Variants in SMAP1 observed in about 807,000 individuals in gnomAD.
SMAP1 encodes the protein stromal membrane-associated protein 1.
SMAP1 carries 24 observed loss-of-function variants against 58.5 expected under a neutral mutation model. The observed-to-expected ratio is 0.41, with a 90% CI of 0.30 to 0.58. The LOEUF (loss-of-function observed/expected upper bound fraction) is 0.58, where lower values mean the gene tolerates loss of function less well. Ranked by LOEUF, SMAP1 falls within the 20% of genes least tolerant of loss-of-function variation. The probability of loss-of-function intolerance (pLI) is 0.29; values close to 1 mark genes in which losing one functional copy is unlikely to be tolerated. For synonymous variants in SMAP1, 216 were observed against 196.6 expected (o/e 1.10, Z -0.82); for missense variants, 563 against 566.3 (o/e 0.99, Z 0.06).
At chr6:70,726,649 TTTATC>T (rs1768798494) in intron 1 of SMAP1, among the ~76,000 whole-genome samples, 1 of 152,158 alleles carries the variant, frequency 6.6e-6, no homozygotes, top group African/African-American at 2.4e-5. Context: ...AGCACACAGT[TTTATC>T]TTATTTCTCA....
At chr6:70,748,432 G>C (rs1014362724) in intron 2 of SMAP1, among the ~76,000 whole-genome samples, 1 of 152,044 alleles carries the variant, frequency 6.6e-6, no homozygotes, top group African/African-American at 2.4e-5. Context: ...CAGCAACAAT[G>C]ATGTTTCTAT....
rs753346903 is a variant in SMAP1 at position 70,755,096 on chromosome 6, TA to T, written c.338+37del. On this transcript the variant is annotated intron_variant, in intron 3 of 10. Transcript: ENST00000370455. The stretch of plus-strand genomic sequence containing the variant: ...CTTTAAAACTTATTTGTTTTGAGTT[TA>T]AAAAACATTAACTCATTTTTACAGT... 4.7e-6 allele frequency: 7 copies of T among 1,490,352 alleles called. No homozygotes were observed. The East Asian group carries it at 1.1e-4, about 24-fold the overall frequency. The allele number at this position is 1,490,352 out of a possible 1,614,324, so 92.3% of individuals were successfully genotyped here. A position where few individuals can be genotyped will look rare whatever the true frequency, so the allele number is the denominator to read the frequency against.
intron 1 of SMAP1, among the ~76,000 whole-genome samples, chr6:70,716,424 C>T (rs983372978): frequency 2.0e-5 from 3 of 152,170 alleles, no homozygotes; most frequent in African/African-American, 7.2e-5. Flanking sequence ...GGTGGTGGAG[C>T]TCAGCTTTGC....
At chr6:70,841,677 CAAAG>C (rs903555673) in intron 7 of SMAP1, among the ~76,000 whole-genome samples, 23 of 152,138 alleles carry the variant, frequency 1.5e-4, no homozygotes, top group African/African-American at 5.3e-4. Context: ...TTGAAACACT[CAAAG>C]GAACATACAG....
At position 70,798,639 on chromosome 6, in the gene SMAP1, C is replaced by T; in HGVS notation, c.496-18C>T. 6.8e-7 allele frequency: 1 copy of T among 1,476,512 alleles called. No individual in the cohort carries two copies. Among genetic ancestry groups the T allele is most frequent in the Non-Finnish European group, 9.0e-7 (1 of 1,114,616 alleles). The allele number at this position is 1,476,512 out of a possible 1,614,324, so 91.5% of individuals were successfully genotyped here. On this transcript the variant is annotated intron_variant, in intron 5 of 10. Coordinates refer to ENST00000370455, the MANE Select transcript of SMAP1 (RefSeq NM_001044305.3). ...TTTTAAAAAAGTAAACTTATCAAAA[C>T]TTTGGGCTGTGTTTTAGAAAGAAAA...
intron 1 of SMAP1, among the ~76,000 whole-genome samples, chr6:70,670,750 A>G (rs138538002): frequency 2.0e-5 from 3 of 152,230 alleles, no homozygotes; most frequent in African/African-American, 4.8e-5. Context: ...TCTTCCACTG[A>G]TCTTTGAGAA....
At chr6:70,749,677 C>G (rs1766196022) in intron 2 of SMAP1, among the ~76,000 whole-genome samples, 1 of 151,494 alleles carries the variant, frequency 6.6e-6, no homozygotes, top group Non-Finnish European at 1.5e-5. Flanking sequence ...ATGCAGATAG[C>G]TTCCTGAAAC....
At chr6:70,775,049 G>T (rs934722276) in intron 4 of SMAP1, among the ~76,000 whole-genome samples, 1 of 151,880 alleles carries the variant, frequency 6.6e-6, no homozygotes, top group African/African-American at 2.4e-5. Flanking sequence ...TATCATTAGT[G>T]TGTATTTTAG....
In SMAP1 at chr6:70,755,028, A is replaced by G. The variant is rs1381131769; in HGVS notation, c.301A>G (p.Asn101Asp). ...TAAAGCAAGACTACTCTATGAAGCC[A>G]ATCTTCCAGAGAACTTTCGAAGACC... is the stretch of plus-strand genomic sequence containing the variant. ...NTKARLLYEANLPENFRRPQT... is the reference protein window; with the variant it reads ...NTKARLLYEADLPENFRRPQT... Residue 101 changes from asparagine to aspartate, a missense_variant, in exon 3 of 11, where the codon AAT (asparagine) becomes GAT (aspartate). Transcript: ENST00000370455. The G allele has an allele frequency of 1.2e-6, 2 of 1,610,766 alleles. No homozygotes were observed. Among genetic ancestry groups the G allele is most frequent in the Non-Finnish European group, 1.7e-6 (2 of 1,177,718 alleles).
At chr6:70,674,759 A>C (rs1766407419) in intron 1 of SMAP1, among the ~76,000 whole-genome samples, 1 of 152,194 alleles carries the variant, frequency 6.6e-6, no homozygotes, top group African/African-American at 2.4e-5. Context: ...GGATCATCTG[A>C]GGCCAGGAGT....
At chr6:70,684,092 T>C (rs1336351470) in intron 1 of SMAP1, among the ~76,000 whole-genome samples, 1 of 152,244 alleles carries the variant, frequency 6.6e-6, no homozygotes, top group Admixed American at 6.5e-5. Flanking sequence ...AGATAATTGG[T>C]TATCAGAGTG....
At chr6:70,804,152 C>A (rs140804158) in intron 6 of SMAP1, among the ~76,000 whole-genome samples, 3,395 of 152,178 alleles carry the variant, frequency 0.022, 56 homozygotes, top group Non-Finnish European at 0.034. Flanking sequence ...TAAGGACTTG[C>A]TTTATGAATC....
intron 1 of SMAP1, among the ~76,000 whole-genome samples, chr6:70,724,149 TTGTTG>T (rs778617316): frequency 6.6e-6 from 1 of 150,898 alleles, no homozygotes; most frequent in Non-Finnish European, 1.5e-5. Context: ...GGTTTTTTTT[TTGTTG>T]TTGTTGTTGT....
At chr6:70,746,056 C>T (rs185849054) in intron 2 of SMAP1, among the ~76,000 whole-genome samples, 7 of 152,292 alleles carry the variant, frequency 4.6e-5, no homozygotes, top group Admixed American at 1.3e-4. Context: ...TGCTTATCAT[C>T]TTAAGGAGAT....
chr6:70,845,392 A>G (rs190890849), intron 7 of SMAP1, among the ~76,000 whole-genome samples: 1 of 152,336 alleles, frequency 6.6e-6, no homozygotes, highest in Admixed American at 6.5e-5. Context: ...GAGGGAAAAG[A>G]TGGGATTATC....
intron 6 of SMAP1, among the ~76,000 whole-genome samples, chr6:70,812,979 C>T (rs1769456192): frequency 1.3e-5 from 2 of 151,588 alleles, no homozygotes; most frequent in African/African-American, 2.4e-5. Flanking sequence ...AGCAGTTTTC[C>T]CTTATTATAA....
Position 70,742,158 on chromosome 6 carries a change from C to T in SMAP1, c.252+9647C>T, listed in dbSNP as rs558097720. 1.1e-4 allele frequency among the ~76,000 whole-genome samples: 17 copies of T among 152,348 alleles called. 1 individual carries two copies. The South Asian group carries it at 2.1e-3, about 19-fold the overall frequency. On this transcript the variant is annotated intron_variant, in intron 2 of 10. Transcript: ENST00000370455. Reference sequence around the variant, plus strand: ...TTAACATTTGACTCCTCATTACTTACGCAGATTTCTGCAACCGGGTTGAAT... The same window carrying T: ...TTAACATTTGACTCCTCATTACTTATGCAGATTTCTGCAACCGGGTTGAAT...
At chr6:70,779,382 T>TGCA (rs1767670316) in intron 4 of SMAP1, among the ~76,000 whole-genome samples, 1 of 152,174 alleles carries the variant, frequency 6.6e-6, no homozygotes, top group African/African-American at 2.4e-5. Context: ...AATGGCACTG[T>TGCA]GCAGCAGCAG....
intron 1 of SMAP1, among the ~76,000 whole-genome samples, chr6:70,705,735 C>T (rs1174561788): frequency 6.6e-6 from 1 of 152,162 alleles, no homozygotes; most frequent in African/African-American, 2.4e-5. Context: ...GTATAGCGTT[C>T]TTATTGTGCC....
Sources: allele counts gnomAD v4.1 joint callset (sites outside exome capture counted in the v4.1 genomes callset), GRCh38; gene constraint gnomAD v4.1.1; transcripts MANE v1.5; gene names NCBI Gene and HGNC (gene_info 2026-07-23, HGNC 2026-07-21).